The following ATP13A5 variants were observed in gnomAD, a reference collection of about 807,000 sequenced individuals.
The protein encoded by ATP13A5 is ATPase 13A5, also known as probable cation-transporting ATPase 13A5.
In ATP13A5, 149 loss-of-function variants were observed where a neutral mutation model predicts 150.2. That is an observed-to-expected ratio of 0.99 (90% CI 0.87 to 1.14). The LOEUF (loss-of-function observed/expected upper bound fraction) is 1.14, where lower values mean the gene tolerates loss of function less well. ATP13A5 is among the 50% of genes most tolerant of loss of function. The pLI is 0.00. For synonymous variants in ATP13A5, 497 were observed against 522.2 expected (o/e 0.95, Z 0.66); for missense variants, 1,383 against 1,449.3 (o/e 0.95, Z 0.74).
At chr3:193,341,993 T>C (rs879469107) in intron 9 of ATP13A5, among the ~76,000 whole-genome samples, 69 of 152,220 alleles carry the variant, frequency 4.5e-4, no homozygotes, top group African/African-American at 1.6e-3. Context: ...TGGTCCTTTA[T>C]ATTTGGGAGC....
intron 29 of ATP13A5, among the ~76,000 whole-genome samples, chr3:193,276,434 A>T (rs558729897): frequency 2.0e-5 from 3 of 152,350 alleles, no homozygotes; most frequent in Admixed American, 2.0e-4. Context: ...TTGGAAGGTC[A>T]CCTGGTCTAG....
chr3:193,284,787 A>G, intron 27 of ATP13A5, 127 bp downstream of exon 27: 1 of 820,010 alleles, frequency 1.2e-6, no homozygotes. Context: ...ACTGCATTCA[A>G]CAACAATTTT....
At chr3:193,374,287 C>CAT (rs1441444846) in intron 1 of ATP13A5, among the ~76,000 whole-genome samples, 9 of 93,610 alleles carry the variant, frequency 9.6e-5, no homozygotes, top group Non-Finnish European at 1.8e-4. Flanking sequence ...CACACACACA[C>CAT]ACACACACAC....
Position 193,276,761 on chromosome 3 carries a change from A to G in ATP13A5, c.3385T>C (p.Phe1129Leu), listed in dbSNP as rs1015230325. The G allele has an allele frequency of 6.2e-7, 1 of 1,608,866 alleles. No homozygotes were observed. Among genetic ancestry groups the G allele is most frequent in the Non-Finnish European group, 8.5e-7 (1 of 1,176,108 alleles). Residue 1129 changes from phenylalanine to leucine, a missense_variant, in exon 29 of 30, where the codon TTC becomes CTC. Coordinates refer to ENST00000342358, the MANE Select transcript of ATP13A5 (RefSeq NM_198505.4). The part of the protein sequence containing the change: ...VVALTQFCVA[F>L]FVEDSILQNH... ...AGAGATTACTTTACCTCTACAAAGA[A>G]AGCCACACAGAATTGGGTGAGGGCT...
chr3:193,295,987 C>T (rs747709882), intron 25 of ATP13A5, among the ~76,000 whole-genome samples: 1 of 152,112 alleles, frequency 6.6e-6, no homozygotes, highest in African/African-American at 2.4e-5. Context: ...TGCTCACTCC[C>T]CTTCATGGTA....
intron 1 of ATP13A5, among the ~76,000 whole-genome samples, chr3:193,374,781 G>A (rs1231289963): frequency 6.6e-6 from 1 of 152,176 alleles, no homozygotes; most frequent in African/African-American, 2.4e-5. Flanking sequence ...TGCGCTGGGA[G>A]GTGGGGCGAA....
At chr3:193,318,099 C>G (rs1719120089) in intron 17 of ATP13A5, among the ~76,000 whole-genome samples, 3 of 152,172 alleles carry the variant, frequency 2.0e-5, no homozygotes, top group Non-Finnish European at 2.9e-5. Context: ...TGGCTGAAGG[C>G]CTTCTTGGAG....
intron 5 of ATP13A5, among the ~76,000 whole-genome samples, chr3:193,355,687 C>G (rs111798891): frequency 6.6e-6 from 1 of 152,198 alleles, no homozygotes; most frequent in Non-Finnish European, 1.5e-5. Flanking sequence ...CAGCCCATCA[C>G]GCTCTTTGAC....
intron 4 of ATP13A5, 39 bp from the exon 5 acceptor site, chr3:193,362,500 T>C (rs760590531): frequency 6.2e-6 from 10 of 1,613,030 alleles, no homozygotes; most frequent in Middle Eastern, 3.3e-4. Flanking sequence ...CTTCAGTTCA[T>C]AGCACTCAAC....
chr3:193,358,326 C>A (rs1369344419), intron 5 of ATP13A5, among the ~76,000 whole-genome samples: 1 of 152,174 alleles, frequency 6.6e-6, no homozygotes, highest in East Asian at 1.9e-4. Flanking sequence ...ACTTCCCTAA[C>A]ACTCTTGTTT....
At chr3:193,299,351 C>T (rs749587472) in intron 24 of ATP13A5, 148 bp from the exon 25 acceptor site, 20 of 593,350 alleles carry the variant, frequency 3.4e-5, no homozygotes, top group African/African-American at 1.1e-4. Flanking sequence ...AAATTATTAG[C>T]ATCTCATTTT....
intron 19 of ATP13A5, chr3:193,313,541 A>C (rs984196843): frequency 3.9e-5 from 6 of 154,156 alleles, no homozygotes; most frequent in African/African-American, 1.4e-4. Context: ...TCATAGGTAT[A>C]GTACAATCTA....
chr3:193,307,185 C>A (rs73074725), intron 22 of ATP13A5, 142 bp downstream of exon 22: 3 of 1,512,808 alleles, frequency 2.0e-6, no homozygotes, highest in Non-Finnish European at 2.7e-6. Context: ...CCAACCCACA[C>A]TCAGGTAGAG....
chr3:193,325,117 C>T (rs995707261), intron 13 of ATP13A5, 103 bp from the exon 14 acceptor site: 6 of 1,155,698 alleles, frequency 5.2e-6, no homozygotes, highest in Non-Finnish European at 7.3e-6. Context: ...CGTTCATGCT[C>T]AGAACCTTCC....
intron 16 of ATP13A5, among the ~76,000 whole-genome samples, chr3:193,319,768 G>T (rs1373388177): frequency 9.4e-6 from 1 of 106,250 alleles, no homozygotes; most frequent in East Asian, 3.4e-4. Context: ...CTAGATCAGG[G>T]GTCAAAAAAA....
chr3:193,371,064 G>C (rs1352727666), intron 1 of ATP13A5, among the ~76,000 whole-genome samples: 1 of 152,168 alleles, frequency 6.6e-6, no homozygotes, highest in Non-Finnish European at 1.5e-5. Flanking sequence ...GTTTGGTGAG[G>C]CTAACAGCAG....
In ATP13A5 at chr3:193,310,664, G is replaced by C. The variant is rs756558635; in HGVS notation, c.2499C>G (p.Ser833Arg). 2 of 1,607,782 alleles carry C rather than the reference G, an allele frequency of 1.2e-6. No homozygotes were observed. Among genetic ancestry groups the C allele is most frequent in the Non-Finnish European group, 1.7e-6 (2 of 1,178,378 alleles). The change falls in exon 21 of 30, where the codon AGC (serine) becomes AGG (arginine). Residue 833 changes from serine to arginine, a missense_variant. Ser to Arg is a moderately radical substitution (Grantham distance 110, BLOSUM62 -1). Around this residue, in one of 3 missense-constraint regions of ATP13A5, gnomAD observed 568 missense variants for 621.5 expected, o/e 0.91. Transcript: ENST00000342358. ...TTAATTTCTGAAATTCTTCAATAAG[G>C]CTTGATTTCTGCCCAGGAGACATTC... Reference protein sequence around the residue: ...FARMSPGQKSSLIEEFQKLNY... With the variant: ...FARMSPGQKSRLIEEFQKLNY...
At chr3:193,362,530 A>C in intron 4 of ATP13A5, 37 bp downstream of exon 4, 3 of 1,612,662 alleles carry the variant, frequency 1.9e-6, no homozygotes, top group Non-Finnish European at 2.5e-6. Context: ...TTTTTCCCCT[A>C]TATCCTGACC....
chr3:193,346,590 A>C (rs1712346983), intron 7 of ATP13A5, among the ~76,000 whole-genome samples: 1 of 152,148 alleles, frequency 6.6e-6, no homozygotes, highest in African/African-American at 2.4e-5. Flanking sequence ...TCAAATGTAA[A>C]ACTTTTTTTC....
Sources: allele counts gnomAD v4.1 joint callset (sites outside exome capture counted in the v4.1 genomes callset), GRCh38; gene constraint gnomAD v4.1.1; regional missense constraint gnomAD v4.1.1; transcripts MANE v1.5; gene names NCBI Gene and HGNC (gene_info 2026-07-23, HGNC 2026-07-21).